INTS10: variants seen among roughly 807,000 people sequenced by gnomAD.
INTS10 encodes integrator complex subunit 10, also known as chromosome 8 open reading frame 35.
INTS10 carries 44 observed loss-of-function variants against 94.4 expected under a neutral mutation model. The ratio of observed to expected loss-of-function variants is 0.47; its 90% CI spans 0.37 to 0.60. INTS10 has a LOEUF of 0.60. Ranked by LOEUF, INTS10 falls within the 20% of genes least tolerant of loss-of-function variation. The pLI, the probability that INTS10 is intolerant of heterozygous loss-of-function variation, is 0.00. For synonymous variants in INTS10, 341 were observed against 320.7 expected, an observed-to-expected ratio of 1.06 and a Z score of -0.68; for missense variants, 797 against 868.7, an observed-to-expected ratio of 0.92 and a Z score of 1.04.
chr8:19,817,995 C>T lies in INTS10; in HGVS notation c.130-280C>T, dbSNP rs143218983. On this transcript the variant is annotated intron_variant, in intron 1 of 16. Coordinates refer to ENST00000397977, the MANE Select transcript of INTS10 (RefSeq NM_018142.4). ...CACATGATCGCCACTAGCAAAAGGCCATTCGCTCCTTCATTCATCATAATG... is the reference window on the plus strand; with the variant it reads ...CACATGATCGCCACTAGCAAAAGGCTATTCGCTCCTTCATTCATCATAATG... 5.4e-3 allele frequency among the ~76,000 whole-genome samples: 822 copies of T among 152,296 alleles called. 13 individuals carry two copies. The highest frequency in any genetic ancestry group is 0.018 in the African/African-American group (756 of 41,558).
At chr8:19,828,292 T>C (rs1421958770) in intron 9 of INTS10, among the ~76,000 whole-genome samples, 2 of 151,672 alleles carry the variant, frequency 1.3e-5, no homozygotes, top group Admixed American at 6.6e-5. Flanking sequence ...AATTAGGATA[T>C]CTGATCACAC....
At chr8:19,818,382 C>A (rs539436640) in intron 2 of INTS10, 40 bp downstream of exon 2, 2 of 1,588,830 alleles carry the variant, frequency 1.3e-6, no homozygotes, top group East Asian at 4.5e-5. Context: ...TGCACTGAAT[C>A]TCTCCATGAG....
At chr8:19,828,118 A>G (rs2128768564) in intron 9 of INTS10, among the ~76,000 whole-genome samples, 1 of 152,240 alleles carries the variant, frequency 6.6e-6, no homozygotes, top group Middle Eastern at 3.4e-3. Context: ...GGCTGAGATG[A>G]GAAGATCCCT....
chr8:19,834,990 C>T (rs1033678763), intron 12 of INTS10, among the ~76,000 whole-genome samples: 1 of 152,036 alleles, frequency 6.6e-6, no homozygotes, highest in African/African-American at 2.4e-5. Flanking sequence ...CATCTACTCA[C>T]CTCCCAAAGG....
chr8:19,828,037 C>T (rs758668662), intron 9 of INTS10, among the ~76,000 whole-genome samples: 8 of 151,494 alleles, frequency 5.3e-5, no homozygotes, highest in African/African-American at 7.3e-5. Flanking sequence ...AGTGAGACCC[C>T]GTCTCTATAA....
chr8:19,843,943 T>A lies in INTS10; in HGVS notation c.1720-133T>A, dbSNP rs184357770. On this transcript the variant is annotated intron_variant, in intron 14 of 16. Transcript: ENST00000397977. This position sits in a 1 kb window ranked among gnomAD's most constrained non-coding sequence, Gnocchi z 4.7. Reference sequence around the variant, plus strand: ...ACCAGCCATTTCGTTGTGCCTTTGTTTCCTTCTTACTCTAATGACGTTTAT... The same window carrying A: ...ACCAGCCATTTCGTTGTGCCTTTGTATCCTTCTTACTCTAATGACGTTTAT... 4.0e-4 allele frequency: 255 copies of A among 635,390 alleles called. No homozygotes were observed. The African/African-American group carries it at 4.3e-3, about 11-fold the overall frequency. The allele number at this position is 635,390 out of a possible 1,614,324, so 39.4% of individuals were successfully genotyped here. A position where few individuals can be genotyped will look rare whatever the true frequency, so the allele number is the denominator to read the frequency against.
rs574577658 is a variant in INTS10 at position 19,831,660 on chromosome 8, C to CA, written c.1295-367dup. On this transcript the variant is annotated intron_variant, in intron 10 of 16. Transcript: ENST00000397977. Reference sequence around the variant, plus strand: ...ACCCATGTTAGGGCCACTGTACTGCCAGCCTGGGTGACAGGGAGAATGTCT... The same window carrying CA: ...ACCCATGTTAGGGCCACTGTACTGCCAAGCCTGGGTGACAGGGAGAATGTCT... 1.3e-3 allele frequency among the ~76,000 whole-genome samples: 194 copies of CA among 152,236 alleles called. 2 individuals are homozygous for CA. Among genetic ancestry groups the CA allele is most frequent in the African/African-American group, 4.6e-3 (190 of 41,544 alleles).
rs2068288716 is a variant in INTS10, at chr8:19,843,318, G to T, written c.1719+391G>T. On this transcript the variant is annotated intron_variant, in intron 14 of 16. Coordinates refer to ENST00000397977, the MANE Select transcript of INTS10 (RefSeq NM_018142.4). The surrounding 1 kb of genome is among the most constrained non-coding windows in gnomAD (Gnocchi z 4.7). ...ATGTGCTAGATTAAGCATGTTAGGT[G>T]TTGAGATCAACACCAGTAACAGCCC... Among the ~76,000 whole-genome samples the T allele has an allele frequency of 6.6e-6, 1 of 151,980 alleles. No individual in the cohort carries two copies. The highest frequency in any genetic ancestry group is 1.5e-5 in the Non-Finnish European group (1 of 67,978).
At chr8:19,841,659 A>T (rs1779752052) in intron 13 of INTS10, among the ~76,000 whole-genome samples, 1 of 152,166 alleles carries the variant, frequency 6.6e-6, no homozygotes, top group African/African-American at 2.4e-5. Context: ...ATGTGAAGGA[A>T]CACAGTGCCA....
chr8:19,827,515 T>A (rs1341578590), intron 9 of INTS10, among the ~76,000 whole-genome samples: 1 of 152,164 alleles, frequency 6.6e-6, no homozygotes, highest in African/African-American at 2.4e-5. Flanking sequence ...CTCTGCCTCG[T>A]CCTCTACCAT....
In INTS10 at chr8:19,817,606, GGCAGCCAAGGC is replaced by G; in HGVS notation, c.71_81del (p.Ala24ValfsTer14). On this transcript the variant is annotated frameshift_variant, in exon 1 of 17. Transcript: ENST00000397977. LOFTEE classifies it high-confidence loss of function. ...GGGAGTTGGTGCCGCAAGACCTGTG[GGCAGCCAAGGC>G]GTGGCTGATCACGGCCCGCAGCCTC... 1 of 1,608,684 alleles carries G rather than the reference GGCAGCCAAGGC, an allele frequency of 6.2e-7. No homozygotes were observed. The highest frequency in any genetic ancestry group is 8.5e-7 in the Non-Finnish European group (1 of 1,178,140).
intron 8 of INTS10, among the ~76,000 whole-genome samples, chr8:19,825,840 T>G (rs1257980958): frequency 2.0e-5 from 3 of 152,168 alleles, no homozygotes; most frequent in African/African-American, 7.2e-5. Flanking sequence ...TCATGATCAT[T>G]ATAAAAAGTG....
chr8:19,822,430 T>C lies in INTS10; in HGVS notation c.442-9T>C, dbSNP rs372732690. The stretch of plus-strand genomic sequence containing the variant: ...ACACATTTAAATGAGTAATTTTGTT[T>C]TGAAATAGGTTGGCCTTGGGGAGGC... On this transcript the variant is annotated splice_polypyrimidine_tract_variant and intron_variant, in intron 4 of 16. Transcript: ENST00000397977. The C allele has an allele frequency of 2.2e-5, 34 of 1,579,762 alleles. No individual in the cohort carries two copies. Among genetic ancestry groups the C allele is most frequent in the African/African-American group, 6.7e-5 (5 of 74,128 alleles).
rs1297318708 is a variant in INTS10 at position 19,846,840 on chromosome 8, A to G, written c.1976+1043A>G. Among the ~76,000 whole-genome samples the G allele has an allele frequency of 6.6e-6, 1 of 152,184 alleles. No individual in the cohort carries two copies. Among genetic ancestry groups the G allele is most frequent in the Admixed American group, 6.5e-5 (1 of 15,282 alleles). On this transcript the variant is annotated intron_variant, in intron 16 of 16. Transcript: ENST00000397977. This position sits in a 1 kb window ranked among gnomAD's most constrained non-coding sequence, Gnocchi z 4.2. ...AAATGCCACGTGTAGTTTTATTTTC[A>G]TACTTCCTCCTTTGCTTCCTGCACA...
Position 19,849,482 on chromosome 8 carries a change from G to T in INTS10, c.1977-2167G>T, listed in dbSNP as rs1002468690. 7.9e-5 allele frequency among the ~76,000 whole-genome samples: 12 copies of T among 152,152 alleles called. No homozygotes were observed. Among genetic ancestry groups the T allele is most frequent in the African/African-American group, 2.9e-4 (12 of 41,422 alleles). Reference sequence around the variant, plus strand: ...TATGGATCTGGAAAAAACAATGAAAGCTATATAAATCTGTATTCAATTAAG... The same window carrying T: ...TATGGATCTGGAAAAAACAATGAAATCTATATAAATCTGTATTCAATTAAG... On this transcript the variant is annotated intron_variant, in intron 16 of 16. Transcript: ENST00000397977. This position sits in a 1 kb window ranked among gnomAD's most constrained non-coding sequence, Gnocchi z 4.6.
At chr8:19,832,257 G>T in intron 11 of INTS10, 147 bp downstream of exon 11, 1 of 603,298 alleles carries the variant, frequency 1.7e-6, no homozygotes. Flanking sequence ...TGGCTGAGGG[G>T]GTATGGTCCA....
intron 13 of INTS10, 54 bp downstream of exon 13, chr8:19,837,214 C>T: frequency 1.9e-6 from 2 of 1,076,672 alleles, no homozygotes; most frequent in Non-Finnish European, 2.9e-6. Context: ...GAAAGCCAGG[C>T]ACGGTGGCTC....
intron 16 of INTS10, among the ~76,000 whole-genome samples, chr8:19,850,198 A>T (rs2068918247): frequency 6.6e-6 from 1 of 152,126 alleles, no homozygotes; most frequent in Non-Finnish European, 1.5e-5. Flanking sequence ...ACTGTCTGCA[A>T]GTGCCAGTAA....
rs756403039 is a variant in INTS10 at position 19,845,774 on chromosome 8, A to G, written c.1953A>G (p.Leu651=). The G allele has an allele frequency of 2.0e-5, 32 of 1,613,214 alleles. No homozygotes were observed. The highest frequency in any genetic ancestry group is 1.8e-4 in the Admixed American group (11 of 59,980). ...GTGGGAAAATTCATCTGGAATTACT[A>G]CCCAATCAAGGAATGCTGATCAAGT... ...QEGGKIHLEL[L]PNQGMLIKHH... Residue 651 remains leucine, a synonymous_variant, in exon 16 of 17, where the codon CTA becomes CTG. Coordinates refer to ENST00000397977, the MANE Select transcript of INTS10 (RefSeq NM_018142.4).
Sources: allele counts gnomAD v4.1 joint callset (sites outside exome capture counted in the v4.1 genomes callset), GRCh38; gene constraint gnomAD v4.1.1; non-coding constraint Gnocchi (gnomAD v3.1); transcripts MANE v1.5; gene names NCBI Gene and HGNC (gene_info 2026-07-23, HGNC 2026-07-21).